Variants in CFAP221 observed in about 807,000 individuals in gnomAD.
CFAP221 encodes cilia and flagella associated protein 221.
CFAP221 carries 97 observed loss-of-function variants against 113.1 expected under a neutral mutation model. The ratio of observed to expected loss-of-function variants is 0.86; its 90% CI spans 0.73 to 1.02. The LOEUF (loss-of-function observed/expected upper bound fraction) is 1.02. Ranked by LOEUF, CFAP221 falls within the 50% of genes least tolerant of loss-of-function variation. The pLI, the probability that CFAP221 is intolerant of heterozygous loss-of-function variation, is 0.00. For missense variants in CFAP221, 1,025 were observed against 1,013.4 expected (o/e 1.01, Z -0.16); for synonymous variants, 331 against 354.4 (o/e 0.93, Z 0.74).
intron 15 of CFAP221, among the ~76,000 whole-genome samples, chr2:119,626,025 C>T (rs1265642316): frequency 6.6e-6 from 1 of 152,130 alleles, no homozygotes; most frequent in East Asian, 1.9e-4. Flanking sequence ...AACCAAGGTG[C>T]TGGTAGGGCT....
intron 15 of CFAP221, among the ~76,000 whole-genome samples, chr2:119,626,095 C>A (rs1349179282): frequency 1.3e-5 from 2 of 152,182 alleles, no homozygotes; most frequent in Non-Finnish European, 2.9e-5. Context: ...CTCCTGGAGT[C>A]CACCTGCATT....
At chr2:119,628,294 G>GTGTGTGTGTGTGTGTGTGTGTGT (rs371675389) in intron 16 of CFAP221, among the ~76,000 whole-genome samples, 3 of 137,490 alleles carry the variant, frequency 2.2e-5, no homozygotes, top group African/African-American at 5.5e-5. Context: ...CTCTCTGGGG[G>GTGTGTGTGTGTGTGTGTGTGTGT]GTGTGTGTGT....
In CFAP221 at chr2:119,638,373, G is replaced by T. The variant is rs183546677; in HGVS notation, c.2089G>T (p.Gly697Trp). The T allele has an allele frequency of 3.7e-6, 6 of 1,614,068 alleles. No homozygotes were observed. The highest frequency in any genetic ancestry group is 1.3e-5 in the African/African-American group (1 of 74,990). Residue 697 changes from glycine to tryptophan, a missense_variant, in exon 20 of 24, where the codon GGG (glycine) becomes TGG (tryptophan). Gly to Trp is a radical substitution (Grantham distance 184). Transcript: ENST00000413369. ...KYKFTKESRH[G>W]SSIPVTQKQF... ...CAAATTCACCAAAGAGTCCCGCCAC[G>T]GGTCCAGCATTCCTGTCACCCAAAA...
intron 16 of CFAP221, among the ~76,000 whole-genome samples, chr2:119,629,248 G>C (rs375777574): frequency 2.4e-4 from 36 of 152,312 alleles, no homozygotes; most frequent in African/African-American, 6.3e-4. Context: ...TCCTCTGGGT[G>C]TTTGAGGCAG....
chr2:119,572,895 A>G (rs1019571754), intron 6 of CFAP221: 3 of 321,372 alleles, frequency 9.3e-6, no homozygotes, highest in Middle Eastern at 8.6e-4. Flanking sequence ...TGGTGACTCC[A>G]TTCCAAAGCC....
intron 6 of CFAP221, among the ~76,000 whole-genome samples, chr2:119,584,199 T>C (rs1244197691): frequency 6.6e-6 from 1 of 152,226 alleles, no homozygotes; most frequent in East Asian, 1.9e-4. Context: ...TAAAAATTTA[T>C]GTCCAACAAA....
rs574043695 is a variant in CFAP221 at position 119,614,941 on chromosome 2, A to G, written c.1312-670A>G. Reference sequence around the variant, plus strand: ...CTTCCATGGGCCATATCAGAGTCCAACCTTTGGGTGTCCCCGATGACTAAT... The same window carrying G: ...CTTCCATGGGCCATATCAGAGTCCAGCCTTTGGGTGTCCCCGATGACTAAT... On this transcript the variant is annotated intron_variant, in intron 13 of 23. Transcript: ENST00000413369. Among the ~76,000 whole-genome samples, 8 of 152,284 alleles carry G rather than the reference A, an allele frequency of 5.3e-5. 1 individual carries two copies. In the South Asian group the frequency reaches 1.5e-3, roughly 28 times the overall value.
chr2:119,545,782 C>T (rs1180160576), intron 1 of CFAP221, among the ~76,000 whole-genome samples: 1 of 152,084 alleles, frequency 6.6e-6, no homozygotes, highest in African/African-American at 2.4e-5. Flanking sequence ...TTATTTTTCC[C>T]TTCTCGGGCC....
chr2:119,577,040 C>G (rs899533583), intron 6 of CFAP221, among the ~76,000 whole-genome samples: 1 of 152,252 alleles, frequency 6.6e-6, no homozygotes, highest in Non-Finnish European at 1.5e-5. Context: ...TTTGCCTCAG[C>G]TCCAGCTGCT....
chr2:119,550,163 T>A (rs1680320041), intron 3 of CFAP221, among the ~76,000 whole-genome samples: 1 of 152,218 alleles, frequency 6.6e-6, no homozygotes. Flanking sequence ...TTGTGTGTGA[T>A]GTCCCTCCTG....
intron 19 of CFAP221, among the ~76,000 whole-genome samples, chr2:119,636,615 T>A (rs147602563): frequency 3.7e-4 from 56 of 152,106 alleles, no homozygotes; most frequent in Middle Eastern, 3.4e-3. Flanking sequence ...AGCATGATGT[T>A]TAGAGTTAGG....
chr2:119,567,306 C>T (rs1220313365), intron 6 of CFAP221, among the ~76,000 whole-genome samples: 1 of 152,178 alleles, frequency 6.6e-6, no homozygotes, highest in African/African-American at 2.4e-5. Context: ...CACTGGCAAC[C>T]ACTGTTTATT....
intron 6 of CFAP221, among the ~76,000 whole-genome samples, chr2:119,579,839 A>G (rs1318787369): frequency 1.3e-5 from 2 of 152,250 alleles, no homozygotes; most frequent in Non-Finnish European, 2.9e-5. Context: ...AAATGCAAAC[A>G]TGCAGCTTTT....
At chr2:119,624,839 G>A (rs1219280503) in intron 14 of CFAP221, among the ~76,000 whole-genome samples, 1 of 152,128 alleles carries the variant, frequency 6.6e-6, no homozygotes. Context: ...ATGGACACAG[G>A]GAGGGGAACA....
intron 20 of CFAP221, among the ~76,000 whole-genome samples, chr2:119,638,835 C>CA (rs1357088637): frequency 9.9e-5 from 15 of 152,126 alleles, no homozygotes; most frequent in African/African-American, 3.6e-4. Flanking sequence ...TACTTCCCCC[C>CA]CAGGGAACCA....
intron 13 of CFAP221, among the ~76,000 whole-genome samples, chr2:119,614,403 C>T (rs1685387140): frequency 6.6e-6 from 1 of 152,152 alleles, no homozygotes; most frequent in Non-Finnish European, 1.5e-5. Context: ...TGAAGAAATA[C>T]CTGAGGCTGG....
intron 20 of CFAP221, 113 bp from the exon 21 acceptor site, chr2:119,639,668 C>T: frequency 1.3e-6 from 1 of 784,984 alleles, no homozygotes; most frequent in East Asian, 2.6e-5. Context: ...AATGAAATTA[C>T]AGATTTTGGT....
chr2:119,574,892 A>G (rs936122807), intron 6 of CFAP221, among the ~76,000 whole-genome samples: 1 of 152,224 alleles, frequency 6.6e-6, no homozygotes, highest in African/African-American at 2.4e-5. Context: ...ATATACTGCA[A>G]TTTCAAAACC....
At chr2:119,576,341 C>T (rs1378539768) in intron 6 of CFAP221, among the ~76,000 whole-genome samples, 2 of 152,086 alleles carry the variant, frequency 1.3e-5, no homozygotes, top group African/African-American at 4.8e-5. Flanking sequence ...TTTTCCTGCC[C>T]CTCTCCCTCC....
Sources: gnomAD v4.1 joint callset for allele counts (sites outside exome capture counted in the v4.1 genomes callset) on GRCh38, gnomAD v4.1.1 for gene constraint, MANE v1.5 for transcripts, NCBI Gene and HGNC (gene_info 2026-07-23, HGNC 2026-07-21) for gene names.